WNK2: variants seen among roughly 807,000 people sequenced by gnomAD.
WNK2 encodes the protein WNK lysine deficient protein kinase 2.
A neutral mutation model predicts 192.1 loss-of-function variants in WNK2; 67 were observed. The observed-to-expected ratio is 0.35, with a 90% CI of 0.29 to 0.43. WNK2 has a LOEUF of 0.43. WNK2 is among the 20% of genes least tolerant of loss of function. WNK2 has a pLI of 1.00. For synonymous variants in WNK2, 1,439 were observed against 1,393.9 expected (o/e 1.03, Z -0.72); for missense variants, 2,698 against 3,089.7 (o/e 0.87, Z 3.01).
intron 26 of WNK2, among the ~76,000 whole-genome samples, chr9:93,302,467 C>T (rs1851782675): frequency 6.6e-6 from 1 of 152,150 alleles, no homozygotes; most frequent in Non-Finnish European, 1.5e-5. Context: ...TCCCTAGGGC[C>T]TGGGGAGAGC....
intron 19 of WNK2, among the ~76,000 whole-genome samples, chr9:93,283,692 A>G (rs1235857358): frequency 6.6e-6 from 1 of 152,222 alleles, no homozygotes; most frequent in African/African-American, 2.4e-5. Flanking sequence ...TTTCAGGTAG[A>G]AAATAGAGAC....
chr9:93,289,648 C>T (rs74881191), intron 20 of WNK2, 28 bp downstream of exon 20: 46,030 of 1,435,610 alleles, frequency 0.032, 984 homozygotes, highest in South Asian at 0.076. Context: ...CCCAGAGACA[C>T]TGCCCTGGGT....
At chr9:93,300,313 T>A in intron 26 of WNK2, 164 bp downstream of exon 26, 1 of 557,770 alleles carries the variant, frequency 1.8e-6, no homozygotes, top group Non-Finnish European at 3.1e-6. Flanking sequence ...GCCGGTCCCC[T>A]GGAGCGGCGG....
In WNK2 at chr9:93,263,635, C is replaced by T. The variant is rs1274512364; in HGVS notation, c.3480C>T (p.Gly1160=). The T allele has an allele frequency of 1.9e-6, 3 of 1,607,310 alleles. No individual in the cohort carries two copies. Among genetic ancestry groups the T allele is most frequent in the South Asian group, 2.2e-5 (2 of 90,004 alleles). ...GCTGTGAAGGCGCCTTTGGAGGGGG[C>T]AGGCTGGAGGGCAGGGCAGCCCGAA... ...SDSCEGAFGG[G]RLEGRAARKH... is the part of the protein sequence containing the mutation. Residue 1160 remains glycine (G), a synonymous_variant, in exon 15 of 30, where the codon GGC becomes GGT. Coordinates refer to ENST00000427277, the MANE Select transcript of WNK2 (RefSeq NM_006648.4).
intron 23 of WNK2, 132 bp downstream of exon 23, chr9:93,293,305 C>A: frequency 1.4e-5 from 10 of 707,910 alleles, no homozygotes; most frequent in African/African-American, 1.9e-5. Context: ...CAAGCAGGGA[C>A]AGGGGAGTGA....
intron 2 of WNK2, among the ~76,000 whole-genome samples, chr9:93,215,713 AT>A (rs1835624320): frequency 6.6e-6 from 1 of 152,142 alleles, no homozygotes; most frequent in Non-Finnish European, 1.5e-5. Context: ...TTGTCCTGCT[AT>A]TTTTTGGACC....
intron 8 of WNK2, among the ~76,000 whole-genome samples, chr9:93,251,894 C>T (rs1217130711): frequency 2.6e-5 from 4 of 152,108 alleles, no homozygotes; most frequent in African/African-American, 9.7e-5. Context: ...AATTAAACCT[C>T]AGCATTTCTT....
rs1256681029 is a variant in WNK2 at position 93,185,529 on chromosome 9, GCT to G, written c.601_602del (p.Leu201GlyfsTer24). 6.2e-7 allele frequency: 1 copy of G among 1,612,898 alleles called. No homozygotes were observed. Among genetic ancestry groups the G allele is most frequent in the Non-Finnish European group, 8.5e-7 (1 of 1,179,716 alleles). On this transcript the variant is annotated frameshift_variant, in exon 2 of 30. Transcript: ENST00000427277. LOFTEE classifies it high-confidence loss of function. ...DGRFLKFDIE[L>X]GRGSFKTVYK... Reference sequence around the variant, plus strand: ...GCCGCTTCCTCAAGTTCGACATCGAGCTGGGCCGCGGTTCCTTCAAGACGGTC... The same window carrying G: ...GCCGCTTCCTCAAGTTCGACATCGAGGGGCCGCGGTTCCTTCAAGACGGTC...
intron 14 of WNK2, chr9:93,263,329 C>A: frequency 1.7e-6 from 1 of 580,966 alleles, no homozygotes; most frequent in East Asian, 2.9e-5. Flanking sequence ...ATCAAGGTAA[C>A]GCAGCTAGTA....
chr9:93,238,165 C>A, intron 5 of WNK2, 68 bp from the exon 6 acceptor site: 1 of 1,439,966 alleles, frequency 6.9e-7, no homozygotes, highest in Non-Finnish European at 9.8e-7. Context: ...GGAGTTCCTC[C>A]CACTGTGGTG....
At chr9:93,311,867 G>A (rs1002726373) in intron 28 of WNK2, among the ~76,000 whole-genome samples, 18 of 149,068 alleles carry the variant, frequency 1.2e-4, no homozygotes, top group Non-Finnish European at 1.9e-4. Flanking sequence ...TGATCCACCC[G>A]CCTCGGCCTC....
At chr9:93,248,066 T>C (rs1269317026) in intron 8 of WNK2, among the ~76,000 whole-genome samples, 1 of 152,268 alleles carries the variant, frequency 6.6e-6, no homozygotes, top group Non-Finnish European at 1.5e-5. Context: ...GCTGGGCACC[T>C]ATGCCCCGTG....
At chr9:93,195,739 A>C (rs930723366) in intron 2 of WNK2, among the ~76,000 whole-genome samples, 6 of 147,716 alleles carry the variant, frequency 4.1e-5, no homozygotes, top group Admixed American at 2.0e-4. Flanking sequence ...TTGCTGAAAA[A>C]AAATATCAAC....
intron 28 of WNK2, chr9:93,308,845 A>G: frequency 1.5e-6 from 2 of 1,368,372 alleles, no homozygotes; most frequent in Non-Finnish European, 1.9e-6. Context: ...TCCACAGCTC[A>G]GATACAGCAG....
chr9:93,242,160 A>G (rs1840881501), intron 7 of WNK2, among the ~76,000 whole-genome samples: 1 of 152,102 alleles, frequency 6.6e-6, no homozygotes, highest in Admixed American at 6.5e-5. Context: ...GTGATAGCAC[A>G]GTGAGGATGG....
intron 28 of WNK2, among the ~76,000 whole-genome samples, chr9:93,310,594 C>T (rs930748754): frequency 1.3e-5 from 2 of 152,156 alleles, no homozygotes; most frequent in African/African-American, 4.8e-5. Context: ...GAAACTCTAT[C>T]CCTATTAAAC....
chr9:93,262,660 T>G lies in WNK2; in HGVS notation c.3361-10T>G, dbSNP rs1201668689. The G allele has an allele frequency of 6.2e-7, 1 of 1,612,638 alleles. No homozygotes were observed. The highest frequency in any genetic ancestry group is 1.7e-5 in the Admixed American group (1 of 60,022). Reference sequence around the variant, plus strand: ...TGACCTGTTCTCTTTTCTCCGGGTGTTTATTTCAGGAGCAGGCCTCACAGG... The same window carrying G: ...TGACCTGTTCTCTTTTCTCCGGGTGGTTATTTCAGGAGCAGGCCTCACAGG... On this transcript the variant is annotated splice_polypyrimidine_tract_variant and intron_variant, in intron 13 of 29. Transcript: ENST00000427277.
At chr9:93,310,025 C>T (rs970456376) in intron 28 of WNK2, among the ~76,000 whole-genome samples, 5 of 152,198 alleles carry the variant, frequency 3.3e-5, no homozygotes, top group African/African-American at 1.2e-4. Flanking sequence ...AGACTTAGTG[C>T]TTGCGGTTTG....
chr9:93,300,192 G>A, intron 26 of WNK2, 43 bp downstream of exon 26: 2 of 1,528,498 alleles, frequency 1.3e-6, no homozygotes, highest in African/African-American at 1.4e-5. Context: ...CCTGGCCCTT[G>A]GTTTTCTCCC....
Sources: allele counts gnomAD v4.1 joint callset (sites outside exome capture counted in the v4.1 genomes callset), GRCh38; gene constraint gnomAD v4.1.1; transcripts MANE v1.5; gene names NCBI Gene and HGNC (gene_info 2026-07-23, HGNC 2026-07-21).